Variants in IBSP observed in about 807,000 individuals in gnomAD.
The protein encoded by IBSP is integrin-binding sialoprotein.
IBSP carries 19 observed loss-of-function variants against 25.5 expected under a neutral mutation model. The ratio of observed to expected loss-of-function variants is 0.74; its 90% confidence interval spans 0.52 to 1.09. The LOEUF (loss-of-function observed/expected upper bound fraction) is 1.09, where lower values mean the gene tolerates loss of function less well. IBSP is among the 50% of genes least tolerant of loss of function. The pLI is 0.00. For missense variants in IBSP, 360 were observed against 382.3 expected (o/e 0.94, Z 0.49); for synonymous variants, 144 against 137.6 (o/e 1.05, Z -0.33).
chr4:87,803,831 G>A (rs1722056378), intron 4 of IBSP, among the ~76,000 whole-genome samples: 2 of 152,136 alleles, frequency 1.3e-5, no homozygotes, highest in Non-Finnish European at 2.9e-5. Flanking sequence ...AATAAACAGT[G>A]CTCATTTGAA....
rs1722137016 is a variant in IBSP, at chr4:87,809,327, C to T, written c.247-1279C>T. ...AAATATAAAAGTTGGGATATTGGGC[C>T]TTTAGTTGTGACCCTACCACCAATA... On this transcript the variant is annotated intron_variant, in intron 5 of 6. Coordinates refer to ENST00000226284, the MANE Select transcript of IBSP (RefSeq NM_004967.4). Among the ~76,000 whole-genome samples, 3 of 152,270 alleles carry T rather than the reference C, an allele frequency of 2.0e-5. No individual in the cohort carries two copies. The South Asian group carries it at 6.2e-4, about 32-fold the overall frequency.
chr4:87,809,706 A>G (rs1722141745), intron 5 of IBSP, among the ~76,000 whole-genome samples: 1 of 152,244 alleles, frequency 6.6e-6, no homozygotes, highest in Non-Finnish European at 1.5e-5. Flanking sequence ...TTTAAACTTT[A>G]AAAGTTATCA....
Position 87,810,781 on chromosome 4 carries a change from T to A in IBSP, c.405+17T>A, listed in dbSNP as rs532001221. On this transcript the variant is annotated intron_variant, in intron 6 of 6. Coordinates refer to ENST00000226284, the MANE Select transcript of IBSP (RefSeq NM_004967.4). ...CCCAAGAAGGTAACAATGGAATTATTCCTCCAAAATGAAATTATTACCATT... is the reference window on the plus strand; with the variant it reads ...CCCAAGAAGGTAACAATGGAATTATACCTCCAAAATGAAATTATTACCATT... The A allele has an allele frequency of 6.3e-7, 1 of 1,595,632 alleles. No individual in the cohort carries two copies. Among genetic ancestry groups the A allele is most frequent in the South Asian group, 1.1e-5 (1 of 87,354 alleles).
intron 5 of IBSP, among the ~76,000 whole-genome samples, chr4:87,809,498 A>T (rs1002023669): frequency 2.9e-5 from 4 of 138,472 alleles, no homozygotes; most frequent in Admixed American, 1.5e-4. Flanking sequence ...GTTGGAATAA[A>T]GCATAAACAT....
At position 87,811,559 on chromosome 4, in the gene IBSP, G is replaced by A. The variant is rs753442822; in HGVS notation, c.603G>A (p.Gly201=). The A allele has an allele frequency of 1.2e-6, 2 of 1,613,572 alleles. No homozygotes were observed. Among genetic ancestry groups the A allele is most frequent in the Non-Finnish European group, 1.7e-6 (2 of 1,179,830 alleles). ...GSSGGDNGEE[G]EEESVTGANA... ...GCGGAGGAGACAATGGAGAAGAAGG[G>A]GAAGAAGAAAGTGTCACTGGAGCCA... The change falls in exon 7 of 7, where the codon GGG becomes GGA. Residue 201 remains glycine (G), a synonymous_variant. Coordinates refer to ENST00000226284, the MANE Select transcript of IBSP (RefSeq NM_004967.4).
chr4:87,806,941 G>T (rs1207109033), intron 5 of IBSP, among the ~76,000 whole-genome samples: 2 of 151,834 alleles, frequency 1.3e-5, no homozygotes, highest in African/African-American at 4.8e-5. Context: ...GAAGGTGGAG[G>T]TTGCAGTGAG....
intron 5 of IBSP, among the ~76,000 whole-genome samples, chr4:87,809,148 T>C (rs1034936235): frequency 6.6e-6 from 1 of 152,196 alleles, no homozygotes; most frequent in African/African-American, 2.4e-5. Flanking sequence ...AGTGAGTTGA[T>C]AATATCTTTG....
chr4:87,799,995 C>A (rs1721989853), intron 1 of IBSP, among the ~76,000 whole-genome samples: 1 of 152,114 alleles, frequency 6.6e-6, no homozygotes, highest in Admixed American at 6.6e-5. Flanking sequence ...TATTTCTCTA[C>A]AAATTATACC....
intron 4 of IBSP, among the ~76,000 whole-genome samples, chr4:87,804,358 T>C (rs1269337671): frequency 6.6e-6 from 1 of 152,182 alleles, no homozygotes; most frequent in African/African-American, 2.4e-5. Flanking sequence ...ATACAATCAT[T>C]TCTAAATTAC....
chr4:87,803,563 A>G (rs1277724834), intron 4 of IBSP, among the ~76,000 whole-genome samples: 1 of 152,234 alleles, frequency 6.6e-6, no homozygotes, highest in Non-Finnish European at 1.5e-5. Flanking sequence ...CACTTGACCC[A>G]GGACTTTTGA....
Position 87,810,637 on chromosome 4 carries a change from A to G in IBSP, c.278A>G (p.Glu93Gly). Residue 93 changes from glutamate (E) to glycine (G), a missense_variant, in exon 6 of 7, where the codon GAA (glutamate) becomes GGA (glycine). By Grantham distance (98) the Glu-to-Gly change is moderately conservative (BLOSUM62 -2). Transcript: ENST00000226284. Reference protein sequence around the residue: ...ETSNEGENNEESNEDEDSEAE... With the variant: ...ETSNEGENNEGSNEDEDSEAE... ...TCAAATGAAGGAGAAAACAATGAAG[A>G]ATCGAATGAAGATGAAGACTCTGAG... The G allele has an allele frequency of 6.2e-7, 1 of 1,613,456 alleles. No individual in the cohort carries two copies. The highest frequency in any genetic ancestry group is 1.7e-4 in the Middle Eastern group (1 of 6,060).
At chr4:87,805,719 G>T (rs192252592) in intron 4 of IBSP, among the ~76,000 whole-genome samples, 5 of 152,064 alleles carry the variant, frequency 3.3e-5, no homozygotes, top group Non-Finnish European at 7.4e-5. Context: ...TTTTTAGGCC[G>T]CTGATTCATT....
chr4:87,804,480 C>T (rs1259215952), intron 4 of IBSP, among the ~76,000 whole-genome samples: 2 of 152,154 alleles, frequency 1.3e-5, no homozygotes, highest in East Asian at 1.9e-4. Flanking sequence ...ACTTAACATC[C>T]TAAGCTTCTT....
At position 87,810,660 on chromosome 4, in the gene IBSP, G is replaced by A; in HGVS notation, c.301G>A (p.Glu101Lys). 1.9e-6 allele frequency: 3 copies of A among 1,613,778 alleles called. No homozygotes were observed. The highest frequency in any genetic ancestry group is 2.5e-6 in the Non-Finnish European group (3 of 1,179,668). The change falls in exon 6 of 7, where the codon GAG (glutamate) becomes AAG (lysine). Residue 101 changes from glutamate (E) to lysine (K), a missense_variant. Transcript: ENST00000226284. ...NEESNEDEDS[E>K]AENTTLSATT... Reference sequence around the variant, plus strand: ...AGAATCGAATGAAGATGAAGACTCTGAGGCTGAGAATACCACACTTTCTGC... The same window carrying A: ...AGAATCGAATGAAGATGAAGACTCTAAGGCTGAGAATACCACACTTTCTGC...
intron 4 of IBSP, 131 bp from the exon 5 acceptor site, chr4:87,805,991 T>C (rs894624763): frequency 1.6e-5 from 11 of 705,774 alleles, no homozygotes; most frequent in Middle Eastern, 3.9e-4. Context: ...TCAGTCAAGA[T>C]GGTAATACTA....
Position 87,811,298 on chromosome 4 carries a change from TGAC to T in IBSP, c.406-62_406-60del, listed in dbSNP as rs1722166441. The T allele has an allele frequency of 2.0e-6, 3 of 1,527,928 alleles. No individual in the cohort carries two copies. In the Admixed American group the frequency reaches 6.4e-5, roughly 33 times the overall value. The allele number at this position is 1,527,928 out of a possible 1,614,324, so 94.6% of individuals were successfully genotyped here. On this transcript the variant is annotated intron_variant, in intron 6 of 6. Coordinates refer to ENST00000226284, the MANE Select transcript of IBSP (RefSeq NM_004967.4). ...GCTGTCAGTATTGTGTTGCATGAAATGACGGCCTTAAATTTTACATTTTTCACA... is the reference window on the plus strand; with the variant it reads ...GCTGTCAGTATTGTGTTGCATGAAATGGCCTTAAATTTTACATTTTTCACA...
At chr4:87,809,047 C>T (rs1053881849) in intron 5 of IBSP, among the ~76,000 whole-genome samples, 20 of 152,170 alleles carry the variant, frequency 1.3e-4, no homozygotes, top group Non-Finnish European at 2.8e-4. Flanking sequence ...AACAGACGTA[C>T]TCAGGTAAAC....
chr4:87,804,264 TTA>T (rs1237494986), intron 4 of IBSP, among the ~76,000 whole-genome samples: 1 of 152,196 alleles, frequency 6.6e-6, no homozygotes, highest in Non-Finnish European at 1.5e-5. Context: ...TGTTAGGTGT[TTA>T]GTGCCCATGT....
Position 87,811,695 on chromosome 4 carries a change from A to G in IBSP, c.739A>G (p.Thr247Ala). The change falls in exon 7 of 7, where the codon ACT becomes GCT. Residue 247 changes from threonine (T) to alanine (A), a missense_variant. By Grantham distance (58) the Thr-to-Ala change is moderately conservative. Coordinates refer to ENST00000226284, the MANE Select transcript of IBSP (RefSeq NM_004967.4). ...PTTPPQVYRT[T>A]SPPFGKTTTV... is the part of the protein sequence containing the mutation. ...AACCCCACCACAAGTCTATAGAACCACTTCCCCACCTTTTGGGAAAACCAC... is the reference window on the plus strand; with the variant it reads ...AACCCCACCACAAGTCTATAGAACCGCTTCCCCACCTTTTGGGAAAACCAC... 6.2e-7 allele frequency: 1 copy of G among 1,614,008 alleles called. No individual in the cohort carries two copies. The highest frequency in any genetic ancestry group is 8.5e-7 in the Non-Finnish European group (1 of 1,179,990).
Sources: gnomAD v4.1 joint callset for allele counts (sites outside exome capture counted in the v4.1 genomes callset) on GRCh38, gnomAD v4.1.1 for gene constraint, MANE v1.5 for transcripts, NCBI Gene and HGNC (gene_info 2026-07-23, HGNC 2026-07-21) for gene names.